Variants in ITGA11 observed in about 807,000 individuals in gnomAD.
ITGA11 encodes the protein integrin subunit alpha 11.
Under a neutral mutation model 141.9 loss-of-function variants are expected in ITGA11, and 97 were observed. The ratio of observed to expected loss-of-function variants is 0.68; its 90% CI spans 0.58 to 0.81. The LOEUF is 0.81. ITGA11 is among the 30% of genes least tolerant of loss of function. The pLI is 0.00. For missense variants in ITGA11, 1,387 were observed against 1,559.2 expected (o/e 0.89, Z 1.86); for synonymous variants, 658 against 624.6 (o/e 1.05, Z -0.80).
chr15:68,303,699 G>A lies in ITGA11; in HGVS notation c.3495+73C>T, dbSNP rs974844123. On this transcript the variant is annotated intron_variant, in intron 29 of 29. Transcript: ENST00000315757. The surrounding 1 kb of genome is among the most constrained non-coding windows in gnomAD (Gnocchi z 5.3). ...GAGAGGAGAACGTGGCAGCGGCCAC[G>A]AAGTTCCAGGGGCTGGAGCCTGGGC... is the stretch of plus-strand genomic sequence containing the variant. The A allele has an allele frequency of 1.5e-5, 16 of 1,071,918 alleles. No individual in the cohort carries two copies. Among genetic ancestry groups the A allele is most frequent in the Middle Eastern group, 6.0e-4 (2 of 3,348 alleles). The allele number at this position is 1,071,918 out of a possible 1,614,324, so 66.4% of individuals were successfully genotyped here. A position where few individuals can be genotyped will look rare whatever the true frequency, so the allele number is the denominator to read the frequency against.
intron 7 of ITGA11, among the ~76,000 whole-genome samples, chr15:68,355,566 C>G (rs117916093): frequency 0.023 from 3,452 of 152,014 alleles, 54 homozygotes; most frequent in South Asian, 0.035. Context: ...CCCACCTCAT[C>G]CTCCTGAATA....
At chr15:68,375,140 C>T (rs986182013) in intron 2 of ITGA11, among the ~76,000 whole-genome samples, 2 of 152,136 alleles carry the variant, frequency 1.3e-5, no homozygotes, top group Admixed American at 1.3e-4. Flanking sequence ...CCCACAGGAG[C>T]CTCTCACCTC....
At chr15:68,368,874 T>TTC (rs1895504673) in intron 3 of ITGA11, among the ~76,000 whole-genome samples, 1 of 151,404 alleles carries the variant, frequency 6.6e-6, no homozygotes, top group Admixed American at 6.6e-5. Flanking sequence ...TTTTTTTTTT[T>TTC]TTCTCCTGGG....
rs765073756 is a variant in ITGA11, at chr15:68,331,945, C to A, written c.1684G>T (p.Val562Leu). Residue 562 changes from valine (V) to leucine (L), a missense_variant, in exon 14 of 30, where the codon GTG becomes TTG. By Grantham distance (32) the Val-to-Leu change is conservative (BLOSUM62 1). Transcript: ENST00000315757. ...LNQDSYNDVV[V>L]GAPLEDNHAG... ...TGGTTGTCCTCCAGGGGGGCTCCCA[C>A]CACCACGTCATTGTAGGAATCCTGG... 6.2e-7 allele frequency: 1 copy of A among 1,613,472 alleles called. No homozygotes were observed. The highest frequency in any genetic ancestry group is 8.5e-7 in the Non-Finnish European group (1 of 1,179,728).
chr15:68,316,744 C>A (rs1421083203), intron 21 of ITGA11, among the ~76,000 whole-genome samples: 2 of 152,216 alleles, frequency 1.3e-5, no homozygotes, highest in Non-Finnish European at 2.9e-5. Flanking sequence ...GTCTCCTACT[C>A]CAGAACCTTC....
At chr15:68,311,134 G>A (rs1197476945) in intron 25 of ITGA11, 54 bp from the exon 26 acceptor site, 2 of 1,421,166 alleles carry the variant, frequency 1.4e-6, no homozygotes, top group South Asian at 1.2e-5. Flanking sequence ...AACCAGCTCT[G>A]GCAGACGCAG....
intron 10 of ITGA11, among the ~76,000 whole-genome samples, chr15:68,340,270 A>G (rs140455147): frequency 1.5e-4 from 23 of 152,122 alleles, no homozygotes; most frequent in African/African-American, 5.5e-4. Context: ...CAACGCAATC[A>G]GGGAAAACCA....
At chr15:68,388,813 A>G (rs533366198) in intron 2 of ITGA11, among the ~76,000 whole-genome samples, 1 of 152,192 alleles carries the variant, frequency 6.6e-6, no homozygotes, top group East Asian at 1.9e-4. Flanking sequence ...CACCAAAATT[A>G]TAACTCTGGT....
chr15:68,331,738 A>C, intron 14 of ITGA11, 121 bp downstream of exon 14: 1 of 864,848 alleles, frequency 1.2e-6, no homozygotes, highest in Non-Finnish European at 1.8e-6. Flanking sequence ...ACAGATTGGC[A>C]TCCGTTTCTG....
chr15:68,310,939 C>T (rs1893358497), intron 26 of ITGA11, 55 bp downstream of exon 26: 12 of 1,378,712 alleles, frequency 8.7e-6, no homozygotes, highest in African/African-American at 1.4e-5. Flanking sequence ...CGCAGAGCAC[C>T]GGCGGCACGC....
rs529454534 is a variant in ITGA11, at chr15:68,302,927, C to T, written c.*132G>A. On this transcript the variant is annotated 3_prime_UTR_variant, in exon 30 of 30. Transcript: ENST00000315757. The stretch of plus-strand genomic sequence containing the variant: ...TCTGGAGGGAGCAGGCGCCATTGCT[C>T]GGGAGATGAGGTCAAGTGCAAAGCC... 56 of 676,528 alleles carry T rather than the reference C, an allele frequency of 8.3e-5. No individual in the cohort carries two copies. The East Asian group carries it at 1.0e-3, about 12-fold the overall frequency. 41.9% of individuals were successfully genotyped at this position (676,528 alleles called of 1,614,324 possible).
Position 68,311,027 on chromosome 15 carries a change from T to A in ITGA11, c.3141A>T (p.Pro1047=), listed in dbSNP as rs749413845. 3 of 1,607,056 alleles carry A rather than the reference T, an allele frequency of 1.9e-6. No individual in the cohort carries two copies. The South Asian group carries it at 3.4e-5, about 18-fold the overall frequency. The part of the protein sequence containing the change: ...WGNSTEYRPT[P]VEEDLRRAPQ... ...GAGCACGACGCAAGTCTTCCTCCAC[T>A]GGGGTGGGCCGGTACTCAGTGCTAT... is the stretch of plus-strand genomic sequence containing the variant. The change falls in exon 26 of 30, where the codon CCA becomes CCT. Residue 1047 remains proline (P), a synonymous_variant. Coordinates refer to ENST00000315757, the MANE Select transcript of ITGA11 (RefSeq NM_001004439.2).
At chr15:68,419,049 C>T (rs184722097) in intron 1 of ITGA11, among the ~76,000 whole-genome samples, 1 of 152,074 alleles carries the variant, frequency 6.6e-6, no homozygotes, top group Non-Finnish European at 1.5e-5. Flanking sequence ...GGGGCCCTTC[C>T]CTTCTAAGCC....
chr15:68,428,401 C>T (rs1380431623), intron 1 of ITGA11, among the ~76,000 whole-genome samples: 1 of 152,136 alleles, frequency 6.6e-6, no homozygotes, highest in East Asian at 1.9e-4. Flanking sequence ...CCAGGGCTCA[C>T]AGCCCTGTGT....
intron 18 of ITGA11, among the ~76,000 whole-genome samples, chr15:68,323,617 C>G (rs1893877739): frequency 6.6e-6 from 1 of 152,172 alleles, no homozygotes; most frequent in Admixed American, 6.5e-5. Context: ...CTTAGCTGCT[C>G]TACAAAGTTT....
intron 2 of ITGA11, 147 bp from the exon 3 acceptor site, chr15:68,369,431 G>T (rs1320143240): frequency 1.6e-6 from 1 of 627,922 alleles, no homozygotes; most frequent in Non-Finnish European, 2.8e-6. Flanking sequence ...AGACCCTCAG[G>T]CTGGGACCAC....
intron 1 of ITGA11, among the ~76,000 whole-genome samples, chr15:68,416,385 G>A (rs1428185551): frequency 5.9e-5 from 9 of 152,174 alleles, no homozygotes; most frequent in South Asian, 4.1e-4. Flanking sequence ...AGAAGCATCC[G>A]GAGACAGGGA....
chr15:68,346,560 A>G (rs1254452237), intron 10 of ITGA11, among the ~76,000 whole-genome samples: 1 of 152,190 alleles, frequency 6.6e-6, no homozygotes, highest in Non-Finnish European at 1.5e-5. Flanking sequence ...ACACATGAAG[A>G]TACTCAAAAA....
intron 10 of ITGA11, chr15:68,340,717 G>C (rs931998423): frequency 8.5e-5 from 13 of 152,164 alleles, no homozygotes; most frequent in African/African-American, 3.1e-4. Context: ...TGACCCCATG[G>C]CCCTTTCTTG....
Sources: gnomAD v4.1 joint callset for allele counts (sites outside exome capture counted in the v4.1 genomes callset) on GRCh38, gnomAD v4.1.1 for gene constraint, Gnocchi (gnomAD v3.1) non-coding constraint, MANE v1.5 for transcripts, NCBI Gene and HGNC (gene_info 2026-07-23, HGNC 2026-07-21) for gene names.